The following SPRYD7 variants were observed in gnomAD, a reference collection of about 807,000 sequenced individuals.
SPRYD7 encodes the protein SPRY domain containing 7.
A neutral mutation model predicts 23.8 loss-of-function variants in SPRYD7; 14 were observed. The ratio of observed to expected loss-of-function variants is 0.59; its 90% CI spans 0.39 to 0.92. The LOEUF is 0.92. Among genes scored for constraint, SPRYD7 ranks in the 40% least tolerant of loss-of-function variants. The pLI is 0.00. For synonymous variants in SPRYD7, 75 were observed against 84.9 expected, an observed-to-expected ratio of 0.88 and a Z score of 0.64; for missense variants, 194 against 241.7, an observed-to-expected ratio of 0.80 and a Z score of 1.31.
chr13:49,934,711 C>G lies in SPRYD7; in HGVS notation c.106+1419G>C, dbSNP rs79100202. ...ACACAGTGGAATGAGTATATCTGACCAGCTCTTCCTAGAGGAAACAGATGA... is the reference window on the plus strand; with the variant it reads ...ACACAGTGGAATGAGTATATCTGACGAGCTCTTCCTAGAGGAAACAGATGA... On this transcript the variant is annotated intron_variant, in intron 1 of 4. Coordinates refer to ENST00000361840, the MANE Select transcript of SPRYD7 (RefSeq NM_020456.4). 6.3e-3 allele frequency among the ~76,000 whole-genome samples: 960 copies of G among 152,174 alleles called. 6 individuals carry two copies. Among genetic ancestry groups the G allele is most frequent in the African/African-American group, 0.021 (883 of 41,528 alleles).
intron 3 of SPRYD7, among the ~76,000 whole-genome samples, chr13:49,925,617 C>T (rs565933308): frequency 1.3e-5 from 2 of 152,012 alleles, no homozygotes; most frequent in African/African-American, 2.4e-5. Context: ...GGAGACCATC[C>T]TGGCTAACAC....
Position 49,919,644 on chromosome 13 carries a change from T to C in SPRYD7, c.493+1834A>G, listed in dbSNP as rs1449676662. 2.6e-5 allele frequency among the ~76,000 whole-genome samples: 4 copies of C among 151,224 alleles called. No individual in the cohort carries two copies. In the East Asian group the frequency reaches 7.7e-4, roughly 29 times the overall value. On this transcript the variant is annotated intron_variant, in intron 4 of 4. Coordinates refer to ENST00000361840, the MANE Select transcript of SPRYD7 (RefSeq NM_020456.4). ...CTGGAGGCTGAGGCACGAGAATATC[T>C]TGAACCCAGGAGGCGGAGGCAGCAG...
At chr13:49,925,835 A>T (rs1198856555) in intron 3 of SPRYD7, among the ~76,000 whole-genome samples, 2 of 151,474 alleles carry the variant, frequency 1.3e-5, no homozygotes, top group East Asian at 3.9e-4. Context: ...AAAAAAGGAG[A>T]AAGTGAGCAT....
chr13:49,935,137 G>A (rs1166430318), intron 1 of SPRYD7, among the ~76,000 whole-genome samples: 1 of 152,150 alleles, frequency 6.6e-6, no homozygotes, highest in Non-Finnish European at 1.5e-5. Flanking sequence ...AATACAGTGG[G>A]CAGAGTGTTT....
intron 3 of SPRYD7, among the ~76,000 whole-genome samples, chr13:49,924,276 C>T (rs978275996): frequency 5.3e-5 from 8 of 151,526 alleles, no homozygotes; most frequent in Non-Finnish European, 1.0e-4. Context: ...CGTGAGCCAC[C>T]GCACCCGGCC....
At chr13:49,916,915 G>T (rs989920415) in intron 4 of SPRYD7, among the ~76,000 whole-genome samples, 1 of 152,198 alleles carries the variant, frequency 6.6e-6, no homozygotes, top group Non-Finnish European at 1.5e-5. Context: ...GATTGGACCT[G>T]AAGAGAGGGA....
intron 1 of SPRYD7, among the ~76,000 whole-genome samples, chr13:49,933,645 G>A (rs1043405397): frequency 6.6e-6 from 1 of 151,734 alleles, no homozygotes; most frequent in African/African-American, 2.4e-5. Flanking sequence ...AATATTCAGG[G>A]TGTTTATGAG....
At chr13:49,935,620 A>T (rs1444021025) in intron 1 of SPRYD7, 4 of 152,248 alleles carry the variant, frequency 2.6e-5, no homozygotes, top group Non-Finnish European at 5.9e-5. Context: ...TTCTGACCTG[A>T]GGTGCGACTT....
chr13:49,931,912 C>T (rs549488296), intron 1 of SPRYD7, among the ~76,000 whole-genome samples: 6 of 152,342 alleles, frequency 3.9e-5, no homozygotes, highest in African/African-American at 1.4e-4. Context: ...TGCACCACTG[C>T]ACTCTAGCCT....
chr13:49,916,515 C>A (rs554234003), intron 4 of SPRYD7, among the ~76,000 whole-genome samples: 1 of 151,632 alleles, frequency 6.6e-6, no homozygotes, highest in Admixed American at 6.6e-5. Context: ...TACCCTTGAG[C>A]TAGTCAAGTA....
intron 3 of SPRYD7, among the ~76,000 whole-genome samples, chr13:49,927,665 G>T (rs971733582): frequency 6.6e-6 from 1 of 152,166 alleles, no homozygotes; most frequent in South Asian, 2.1e-4. Flanking sequence ...CAGACAGCCT[G>T]TCATTAATTC....
At chr13:49,923,740 C>T (rs1010879757) in intron 3 of SPRYD7, among the ~76,000 whole-genome samples, 1 of 152,068 alleles carries the variant, frequency 6.6e-6, no homozygotes, top group Non-Finnish European at 1.5e-5. Flanking sequence ...GTGATACGCC[C>T]GCCTCAGCCT....
chr13:49,918,747 C>T (rs1445303308), intron 4 of SPRYD7, among the ~76,000 whole-genome samples: 1 of 151,460 alleles, frequency 6.6e-6, no homozygotes, highest in African/African-American at 2.4e-5. Flanking sequence ...CTAAGTCTTG[C>T]TCTGTCGCCC....
In SPRYD7 at chr13:49,914,961, T is replaced by C. The variant is rs1955736381; in HGVS notation, c.*102A>G. 3.6e-6 allele frequency: 2 copies of C among 562,842 alleles called. No individual in the cohort carries two copies. Among genetic ancestry groups the C allele is most frequent in the African/African-American group, 2.0e-5 (1 of 51,180 alleles). The allele number at this position is 562,842 out of a possible 1,614,324, so 34.9% of individuals were successfully genotyped here. On this transcript the variant is annotated 3_prime_UTR_variant, in exon 5 of 5. Transcript: ENST00000361840. Reference sequence around the variant, plus strand: ...GTTCCTTAGACAGCATCAACAAGCATATTTTTAAGAATATATTTTCATCTA... The same window carrying C: ...GTTCCTTAGACAGCATCAACAAGCACATTTTTAAGAATATATTTTCATCTA...
intron 3 of SPRYD7, among the ~76,000 whole-genome samples, chr13:49,924,027 G>A (rs1278075838): frequency 6.6e-6 from 1 of 150,450 alleles, no homozygotes; most frequent in Non-Finnish European, 1.5e-5. Context: ...TTGTCGCCTA[G>A]GCTGGAGTGC....
intron 3 of SPRYD7, among the ~76,000 whole-genome samples, chr13:49,923,716 GAC>G (rs1566403919): frequency 1.3e-5 from 2 of 151,738 alleles, no homozygotes; most frequent in African/African-American, 4.8e-5. Context: ...GCAGTGGCGC[GAC>G]CTTGGCTCAG....
intron 4 of SPRYD7, among the ~76,000 whole-genome samples, chr13:49,917,130 G>A (rs775421613): frequency 2.0e-5 from 3 of 152,042 alleles, no homozygotes; most frequent in Non-Finnish European, 4.4e-5. Context: ...TTGAGACAGA[G>A]TCTCGCTCTG....
chr13:49,934,572 A>AAAAAAG (rs1566409371), intron 1 of SPRYD7, among the ~76,000 whole-genome samples: 10 of 149,740 alleles, frequency 6.7e-5, no homozygotes, highest in South Asian at 2.1e-4. Flanking sequence ...AAAAAAAAAA[A>AAAAAAG]AAAAAGAAAA....
chr13:49,928,778 T>TATC (rs1402872872), intron 2 of SPRYD7, among the ~76,000 whole-genome samples: 9 of 152,212 alleles, frequency 5.9e-5, no homozygotes, highest in African/African-American at 2.2e-4. Context: ...TCATTATTAT[T>TATC]ATCTCAAAAA....
Sources: gnomAD v4.1 joint callset for allele counts (sites outside exome capture counted in the v4.1 genomes callset) on GRCh38, gnomAD v4.1.1 for gene constraint, MANE v1.5 for transcripts, NCBI Gene and HGNC (gene_info 2026-07-23, HGNC 2026-07-21) for gene names.